The following CFAP54 variants were observed in gnomAD, a reference collection of about 807,000 sequenced individuals.
CFAP54 encodes cilia and flagella associated protein 54, also known as cilia- and flagella-associated protein 54.
Under a neutral mutation model 370.4 loss-of-function variants are expected in CFAP54, and 290 were observed. That is an observed-to-expected ratio of 0.78 (90% confidence interval 0.71 to 0.86). CFAP54 has a LOEUF of 0.86. Ranked by LOEUF, CFAP54 falls within the 40% of genes least tolerant of loss-of-function variation. The pLI is 0.00. For missense variants in CFAP54, 3,399 were observed against 3,528.7 expected (o/e 0.96, Z 0.93); for synonymous variants, 1,206 against 1,236.5 (o/e 0.98, Z 0.52).
intron 58 of CFAP54, among the ~76,000 whole-genome samples, chr12:96,759,306 C>A (rs1261576788): frequency 6.9e-6 from 1 of 144,846 alleles, no homozygotes; most frequent in African/African-American, 2.6e-5. Context: ...AAAAAAAACC[C>A]TTGTTTTTAT....
At chr12:96,856,892 A>G (rs1262854332) in intron 66 of CFAP54, among the ~76,000 whole-genome samples, 7 of 152,200 alleles carry the variant, frequency 4.6e-5, no homozygotes, top group African/African-American at 1.2e-4. Flanking sequence ...CTGTTCTCAC[A>G]CTGCTAATAA....
rs1592827823 is a variant in CFAP54 at position 96,519,135 on chromosome 12, G to A, written c.942+64G>A. On this transcript the variant is annotated intron_variant, in intron 6 of 67. Transcript: ENST00000524981. ...TTTTTTTGAGATGGAATCTGGCTTT[G>A]TTGCCCAGGCTGGAGTGCAGTGATG... The A allele has an allele frequency of 4.8e-6, 7 of 1,462,076 alleles. No individual in the cohort carries two copies. The East Asian group carries it at 1.8e-4, about 37-fold the overall frequency. 90.6% of individuals were successfully genotyped at this position (1,462,076 alleles called of 1,614,324 possible). A position where few individuals can be genotyped will look rare whatever the true frequency, so the allele number is the denominator to read the frequency against.
intron 26 of CFAP54, among the ~76,000 whole-genome samples, chr12:96,617,116 G>A (rs1487351042): frequency 6.6e-6 from 1 of 152,178 alleles, no homozygotes; most frequent in Non-Finnish European, 1.5e-5. Context: ...CTGGGCAGTT[G>A]GGTGAATATA....
chr12:96,803,669 G>T (rs554668946), intron 63 of CFAP54, among the ~76,000 whole-genome samples: 2 of 152,132 alleles, frequency 1.3e-5, no homozygotes, highest in South Asian at 2.1e-4. Context: ...TTGAACTATC[G>T]CAGTCACCCA....
chr12:96,870,409 G>A (rs192274613), intron 67 of CFAP54, among the ~76,000 whole-genome samples: 1 of 152,310 alleles, frequency 6.6e-6, no homozygotes, highest in African/African-American at 2.4e-5. Flanking sequence ...GTAGCATCAT[G>A]GATGAGGGAG....
rs989860927 is a variant in CFAP54 at position 96,835,888 on chromosome 12, G to A, written c.9171+6800G>A. 5.3e-5 allele frequency among the ~76,000 whole-genome samples: 8 copies of A among 152,292 alleles called. No individual in the cohort carries two copies. The South Asian group carries it at 1.0e-3, about 20-fold the overall frequency. On this transcript the variant is annotated intron_variant, in intron 66 of 67. Coordinates refer to ENST00000524981, the MANE Select transcript of CFAP54 (RefSeq NM_001306084.2). ...GCAGCTGGTGTGATGGCAGTGGTAG[G>A]CGATCTGGAGTGGCTGCTGCCATCA... is the stretch of plus-strand genomic sequence containing the variant.
At position 96,771,479 on chromosome 12, in the gene CFAP54, C is replaced by T. The variant is rs529813866; in HGVS notation, c.8281+6261C>T. ...CATCCTGGCTAACACGGTGAAACCC[C>T]GTCTCTACTAAAAATACAAAAAATT... is the stretch of plus-strand genomic sequence containing the variant. On this transcript the variant is annotated intron_variant, in intron 60 of 67. Transcript: ENST00000524981. 3.2e-4 allele frequency among the ~76,000 whole-genome samples: 49 copies of T among 152,210 alleles called. No individual in the cohort carries two copies. In the South Asian group the frequency reaches 3.5e-3, roughly 11 times the overall value.
At chr12:96,602,870 T>G (rs1190693145) in intron 26 of CFAP54, among the ~76,000 whole-genome samples, 1 of 152,206 alleles carries the variant, frequency 6.6e-6, no homozygotes, top group Non-Finnish European at 1.5e-5. Context: ...AAGATGGGTC[T>G]CCTGAATACA....
rs1420644593 is a variant in CFAP54, at chr12:96,527,283, A to G, written c.1196A>G (p.Asp399Gly). ...CGAACTGTCACAGAGCGGCTACTGG[A>G]TGAGATGTTTGATAGCACTGCATCC... ...WPRTVTERLL[D>G]EMFDSTASQF... Residue 399 changes from aspartate to glycine, a missense_variant, in exon 9 of 68, where the codon GAT becomes GGT. Physicochemically the swap from Asp to Gly is moderately conservative, Grantham distance 94. Coordinates refer to ENST00000524981, the MANE Select transcript of CFAP54 (RefSeq NM_001306084.2). 2.0e-6 allele frequency: 3 copies of G among 1,532,246 alleles called. No homozygotes were observed. The Admixed American group carries it at 6.0e-5, about 31-fold the overall frequency. 94.9% of individuals were successfully genotyped at this position (1,532,246 alleles called of 1,614,324 possible).
intron 32 of CFAP54, among the ~76,000 whole-genome samples, chr12:96,639,783 A>G (rs1400015771): frequency 1.3e-5 from 2 of 152,224 alleles, no homozygotes; most frequent in African/African-American, 4.8e-5. Flanking sequence ...ACATATGCAA[A>G]TCAATAAATG....
At chr12:96,822,922 C>G (rs975457401) in intron 65 of CFAP54, among the ~76,000 whole-genome samples, 1 of 152,150 alleles carries the variant, frequency 6.6e-6, no homozygotes, top group African/African-American at 2.4e-5. Context: ...CCTTCCCAGT[C>G]TGGCTCAGCA....
At chr12:96,541,302 T>TC (rs1955566471) in intron 14 of CFAP54, among the ~76,000 whole-genome samples, 1 of 150,944 alleles carries the variant, frequency 6.6e-6, no homozygotes, top group African/African-American at 2.4e-5. Context: ...TTTTTTTTTT[T>TC]TGAGACGGAG....
At position 96,647,472 on chromosome 12, in the gene CFAP54, C is replaced by CAAAAAAAA. The variant is rs57089692; in HGVS notation, c.4548-386_4548-379dup. Among the ~76,000 whole-genome samples, 195 of 40,698 alleles carry CAAAAAAAA rather than the reference C, an allele frequency of 4.8e-3. 6 individuals carry two copies. The highest frequency in any genetic ancestry group is 0.026 in the East Asian group (32 of 1,220). 26.7% of individuals were successfully genotyped at this position (40,698 alleles called of 152,430 possible). ...TGGGCGACAGAGCGAGACTCTGTCC[C>CAAAAAAAA]AAAAAAAAAAAAAAAAAAAAAAAAG... On this transcript the variant is annotated intron_variant, in intron 33 of 67. Coordinates refer to ENST00000524981, the MANE Select transcript of CFAP54 (RefSeq NM_001306084.2).
Position 96,522,184 on chromosome 12 carries a change from C to T in CFAP54, c.1153C>T (p.Gln385Ter), listed in dbSNP as rs1192166691. 1.3e-6 allele frequency: 2 copies of T among 1,522,586 alleles called. No homozygotes were observed. The highest frequency in any genetic ancestry group is 1.8e-6 in the Non-Finnish European group (2 of 1,137,272). 94.3% of individuals were successfully genotyped at this position (1,522,586 alleles called of 1,614,324 possible). The change falls in exon 8 of 68, where the codon CAA becomes TAA. Residue 385 changes from glutamine (Q) to a stop codon, truncating the protein, a stop_gained. Coordinates refer to ENST00000524981, the MANE Select transcript of CFAP54 (RefSeq NM_001306084.2). LOFTEE classifies it high-confidence loss of function. ...GATAAGAATTAACCTAAGGGAAGTA[C>T]AAACTGTAAGTCTAAACATGTCTTC... ...PKIRINLREV[Q>*]TLSWPRTVTE...
At chr12:96,507,356 C>T (rs1165226384) in intron 4 of CFAP54, among the ~76,000 whole-genome samples, 3 of 152,078 alleles carry the variant, frequency 2.0e-5, no homozygotes, top group East Asian at 3.8e-4. Flanking sequence ...AGCAGGGCCG[C>T]AGTTAACAAG....
At chr12:96,591,905 G>GA (rs1328234136) in intron 23 of CFAP54, among the ~76,000 whole-genome samples, 2 of 129,276 alleles carry the variant, frequency 1.5e-5, no homozygotes, top group Non-Finnish European at 3.4e-5. Context: ...AAAAAAAAAA[G>GA]AAATATTTTT....
Position 96,534,192 on chromosome 12 carries a change from C to G in CFAP54, c.1670C>G (p.Ser557Ter), listed in dbSNP as rs973398500. The G allele has an allele frequency of 6.7e-7, 1 of 1,488,760 alleles. No individual in the cohort carries two copies. Among genetic ancestry groups the G allele is most frequent in the East Asian group, 2.5e-5 (1 of 40,622 alleles). 92.2% of individuals were successfully genotyped at this position (1,488,760 alleles called of 1,614,324 possible). A position where few individuals can be genotyped will look rare whatever the true frequency, so the allele number is the denominator to read the frequency against. Residue 557 changes from serine (S) to a stop codon, truncating the protein, a stop_gained, in exon 11 of 68, where the codon TCA becomes TGA. Coordinates refer to ENST00000524981, the MANE Select transcript of CFAP54 (RefSeq NM_001306084.2). LOFTEE classifies it high-confidence loss of function. Reference sequence around the variant, plus strand: ...TTGGAAAACTATAAAGAAGGACAGTCAACTCAAATTTATTTAAAAAAAATT... The same window carrying G: ...TTGGAAAACTATAAAGAAGGACAGTGAACTCAAATTTATTTAAAAAAAATT... The part of the protein sequence containing the change: ...FPLENYKEGQ[S>*]TQIYLKKIAV...
intron 16 of CFAP54, 27 bp from the exon 17 acceptor site, chr12:96,554,649 T>G: frequency 2.7e-6 from 4 of 1,505,956 alleles, no homozygotes; most frequent in Non-Finnish European, 3.5e-6. Flanking sequence ...CTATATTTCT[T>G]TTTATTTCAA....
intron 67 of CFAP54, among the ~76,000 whole-genome samples, chr12:96,874,612 C>CTTTTTTTTTGTTTT (rs879517925): frequency 2.5e-5 from 1 of 40,058 alleles, no homozygotes; most frequent in Non-Finnish European, 4.9e-5. Flanking sequence ...GGGATCTCTG[C>CTTTTTTTTTGTTTT]TTTTTTTTAT....
Sources: allele counts gnomAD v4.1 joint callset (sites outside exome capture counted in the v4.1 genomes callset), GRCh38; gene constraint gnomAD v4.1.1; transcripts MANE v1.5; gene names NCBI Gene and HGNC (gene_info 2026-07-23, HGNC 2026-07-21).